The following ENKUR variants were observed in gnomAD, a reference collection of about 807,000 sequenced individuals.
The protein encoded by ENKUR is enkurin, TRPC channel interacting protein.
ENKUR carries 19 observed loss-of-function variants against 27.6 expected under a neutral mutation model. That is an observed-to-expected ratio of 0.69 (90% confidence interval 0.48 to 1.01). The LOEUF is 1.01. Among genes scored for constraint, ENKUR ranks in the 50% least tolerant of loss-of-function variants. The pLI is 0.00. For missense variants in ENKUR, 312 were observed against 310.5 expected (o/e 1.00, Z -0.04); for synonymous variants, 117 against 96.9 (o/e 1.21, Z -1.22).
chr10:25,011,788 G>A (rs964839830), intron 1 of ENKUR, among the ~76,000 whole-genome samples: 9 of 152,320 alleles, frequency 5.9e-5, no homozygotes, highest in African/African-American at 1.2e-4. Flanking sequence ...TTTGCAGCCC[G>A]ATGATGCAAT....
chr10:25,024,492 T>G (rs1218824714), intron 2 of ENKUR: 5 of 1,614,082 alleles, frequency 3.1e-6, no homozygotes, highest in Non-Finnish European at 1.7e-6. Flanking sequence ...TAATTGGCAG[T>G]CAGAGAGAAA....
At chr10:25,025,187 AC>A in intron 2 of ENKUR, 1 of 1,614,198 alleles carries the variant, frequency 6.2e-7, no homozygotes, top group Non-Finnish European at 8.5e-7. Flanking sequence ...AGGGTGCAAG[AC>A]AAAACTTGCC....
Position 24,984,852 on chromosome 10 carries a change from G to T in ENKUR, c.648C>A (p.Val216=). Residue 216 remains valine, a synonymous_variant, in exon 5 of 6, where the codon GTC becomes GTA. Coordinates refer to ENST00000331161, the MANE Select transcript of ENKUR (RefSeq NM_145010.4). ...EVHKEFQSLS[V]FIDSIPKKIR... ...TCTTCTTTGGTATAGAATCTATAAAGACCGAGAGGGACTGGAATTCTTTAT... is the reference window on the plus strand; with the variant it reads ...TCTTCTTTGGTATAGAATCTATAAATACCGAGAGGGACTGGAATTCTTTAT... 1.2e-6 allele frequency: 2 copies of T among 1,613,536 alleles called. No homozygotes were observed. Among genetic ancestry groups the T allele is most frequent in the South Asian group, 2.2e-5 (2 of 90,940 alleles).
Position 24,988,378 on chromosome 10 carries a change from ATATATGTG to A in ENKUR, c.594+2077_594+2084del, listed in dbSNP as rs1042104773. Among the ~76,000 whole-genome samples the A allele has an allele frequency of 4.3e-4, 62 of 144,694 alleles. 1 individual carries two copies. In the South Asian group the frequency reaches 0.011, roughly 25 times the overall value. 94.9% of individuals were successfully genotyped at this position (144,694 alleles called of 152,430 possible). On this transcript the variant is annotated intron_variant, in intron 4 of 5. Transcript: ENST00000331161. Reference sequence around the variant, plus strand: ...TATGTGTATATATATTTATATATGTATATATGTGTATATATTTATATATGTGTATATAT... The same window carrying A: ...TATGTGTATATATATTTATATATGTATATATATTTATATATGTGTATATAT...
At chr10:24,994,283 C>T (rs1368220027) in intron 3 of ENKUR, among the ~76,000 whole-genome samples, 4 of 149,048 alleles carry the variant, frequency 2.7e-5, no homozygotes, top group South Asian at 4.3e-4. Flanking sequence ...CTTTCTCCCT[C>T]CCTTCCTTCA....
intron 2 of ENKUR, among the ~76,000 whole-genome samples, chr10:25,036,228 A>G (rs1359393045): frequency 7.9e-5 from 12 of 152,134 alleles, no homozygotes. Context: ...GCTTTTCTGC[A>G]TACTGTTCTC....
rs937412462 is a variant in ENKUR, at chr10:25,024,411, T to A, written c.38-28542A>T. 1 of 1,613,920 alleles carries A rather than the reference T, an allele frequency of 6.2e-7. No individual in the cohort carries two copies. The highest frequency in any genetic ancestry group is 8.5e-7 in the Non-Finnish European group (1 of 1,180,012). On this transcript the variant is annotated intron_variant, in intron 2 of 5. Transcript: ENST00000615958. ...ATGGTTTTAGTCGTCTAAATAAGAATGATAAGCAAAGGATAGCTGTGGTTG... is the reference window on the plus strand; with the variant it reads ...ATGGTTTTAGTCGTCTAAATAAGAAAGATAAGCAAAGGATAGCTGTGGTTG...
At chr10:25,019,429 G>C (rs1169512381), upstream of ENKUR, among the ~76,000 whole-genome samples, 1 of 152,174 alleles carries the variant, frequency 6.6e-6, no homozygotes, top group Admixed American at 6.5e-5. Context: ...AGCCAAGATT[G>C]TGCCACTGCA....
At chr10:25,014,130 C>A (rs953922570) in intron 1 of ENKUR, among the ~76,000 whole-genome samples, 2 of 152,138 alleles carry the variant, frequency 1.3e-5, no homozygotes, top group Non-Finnish European at 2.9e-5. Context: ...CGATTTTGGT[C>A]ACATACATTC....
chr10:25,009,501 G>A (rs1850390675), intron 1 of ENKUR, among the ~76,000 whole-genome samples: 1 of 152,194 alleles, frequency 6.6e-6, no homozygotes, highest in South Asian at 2.1e-4. Flanking sequence ...TTAAATCCTT[G>A]TTGATAAGGT....
intron 3 of ENKUR, among the ~76,000 whole-genome samples, chr10:24,993,415 C>T (rs1849971275): frequency 6.6e-6 from 1 of 152,216 alleles, no homozygotes; most frequent in Admixed American, 6.5e-5. Context: ...ATCACAGTTA[C>T]TAAGTGGCAG....
At chr10:25,042,835 G>A (rs911960878) in intron 2 of ENKUR, among the ~76,000 whole-genome samples, 2 of 147,356 alleles carry the variant, frequency 1.4e-5, no homozygotes, top group Non-Finnish European at 3.0e-5. Flanking sequence ...GGGTGACAGA[G>A]TGAGACTGTC....
intron 2 of ENKUR, among the ~76,000 whole-genome samples, chr10:25,040,208 G>C (rs934821553): frequency 6.6e-6 from 1 of 151,958 alleles, no homozygotes; most frequent in Admixed American, 6.6e-5. Context: ...GCATTCTAGC[G>C]GTCAAAGCAA....
intron 2 of ENKUR, among the ~76,000 whole-genome samples, chr10:25,045,358 G>C (rs1450219160): frequency 1.3e-5 from 2 of 151,890 alleles, no homozygotes; most frequent in Non-Finnish European, 2.9e-5. Flanking sequence ...TCTATTCCTT[G>C]CCAAGTTATG....
chr10:25,038,962 AC>A (rs1303206073), intron 2 of ENKUR, among the ~76,000 whole-genome samples: 1 of 152,188 alleles, frequency 6.6e-6, no homozygotes, highest in African/African-American at 2.4e-5. Flanking sequence ...TACTGAGATC[AC>A]CTTGATAATT....
At chr10:24,996,456 GTA>G (rs1554769551) in intron 2 of ENKUR, among the ~76,000 whole-genome samples, 4,854 of 149,672 alleles carry the variant, frequency 0.032, 220 homozygotes, top group African/African-American at 0.1. Context: ...GTGTGTGTGT[GTA>G]TATATATATA....
chr10:25,028,597 G>A (rs145653145), intron 2 of ENKUR, among the ~76,000 whole-genome samples: 1 of 152,210 alleles, frequency 6.6e-6, no homozygotes, highest in African/African-American at 2.4e-5. Flanking sequence ...CAAAATCTCT[G>A]TGAACATCCA....
chr10:25,025,070 C>G lies in ENKUR; in HGVS notation c.38-29201G>C, dbSNP rs1374245331. The G allele has an allele frequency of 3.5e-5, 56 of 1,614,168 alleles. No individual in the cohort carries two copies. The highest frequency in any genetic ancestry group is 4.6e-5 in the Non-Finnish European group (54 of 1,180,026). ...GAGAAACTTCAGCAGGATTTTGTAG[C>G]TGACTGGTGCTCTGAGGGAGAGTGC... On this transcript the variant is annotated intron_variant, in intron 2 of 5. Transcript: ENST00000615958.
At chr10:25,032,435 T>C (rs192416638) in intron 2 of ENKUR, among the ~76,000 whole-genome samples, 1 of 152,248 alleles carries the variant, frequency 6.6e-6, no homozygotes, top group Admixed American at 6.5e-5. Context: ...ATCCCAGAAT[T>C]TGAAGTCTCT....
Sources: gnomAD v4.1 joint callset for allele counts (sites outside exome capture counted in the v4.1 genomes callset) on GRCh38, gnomAD v4.1.1 for gene constraint, MANE v1.5 for transcripts, NCBI Gene and HGNC (gene_info 2026-07-23, HGNC 2026-07-21) for gene names.